Variants in SLC8A3 observed in about 807,000 individuals in gnomAD.
SLC8A3 encodes sodium/calcium exchanger 3.
SLC8A3 carries 37 observed loss-of-function variants against 65.4 expected under a neutral mutation model. That is an observed-to-expected ratio of 0.57 (90% CI 0.44 to 0.74). The LOEUF (loss-of-function observed/expected upper bound fraction) is 0.74, where lower values mean the gene tolerates loss of function less well. SLC8A3 is among the 30% of genes least tolerant of loss of function. The pLI is 0.00. For synonymous variants in SLC8A3, 461 were observed against 444.5 expected, an observed-to-expected ratio of 1.04 and a Z score of -0.47; for missense variants, 1,112 against 1,172.1, an observed-to-expected ratio of 0.95 and a Z score of 0.75.
chr14:70,046,527 C>G lies in SLC8A3; in HGVS notation c.2390-204G>C, dbSNP rs1195741819. On this transcript the variant is annotated intron_variant, in intron 6 of 6. Transcript: ENST00000356921. This position sits in a 1 kb window ranked among gnomAD's most constrained non-coding sequence, Gnocchi z 4.2. ...AGGTCACATCCCTAGTCTGGGCTTC[C>G]CATTCCTCATCTGCAGTGATCTGAA... 3 of 545,360 alleles carry G rather than the reference C, an allele frequency of 5.5e-6. No homozygotes were observed. The highest frequency in any genetic ancestry group is 6.5e-6 in the Non-Finnish European group (2 of 308,508). The allele number at this position is 545,360 out of a possible 1,614,324, so 33.8% of individuals were successfully genotyped here.
intron 3 of SLC8A3, among the ~76,000 whole-genome samples, chr14:70,053,221 C>T (rs1887699213): frequency 6.6e-6 from 1 of 152,150 alleles, no homozygotes; most frequent in Admixed American, 6.5e-5. Context: ...CTGGTGGCCA[C>T]TTTTGGAAAC....
intron 1 of SLC8A3, among the ~76,000 whole-genome samples, chr14:70,174,662 GTTTTT>G (rs10527244): frequency 6.0e-5 from 4 of 66,514 alleles, no homozygotes; most frequent in South Asian, 1.0e-3. Flanking sequence ...TTTTTTTTTT[GTTTTT>G]TTTTTTTTTT....
chr14:70,174,092 G>GT (rs2140404664), intron 1 of SLC8A3, among the ~76,000 whole-genome samples: 1 of 152,324 alleles, frequency 6.6e-6, no homozygotes, highest in Admixed American at 6.5e-5. Context: ...AAACAGAAAG[G>GT]TAAGCATTTG....
chr14:70,187,599 CTGTGTGTGTGTG>C (rs3053393), intron 1 of SLC8A3, among the ~76,000 whole-genome samples: 16 of 118,206 alleles, frequency 1.4e-4, no homozygotes, highest in Non-Finnish European at 2.3e-4. Flanking sequence ...AGGGCTTTGA[CTGTGTGTGTGTG>C]TGTGTGTGTG....
At chr14:70,100,991 G>A (rs1462093608) in intron 2 of SLC8A3, among the ~76,000 whole-genome samples, 3 of 152,194 alleles carry the variant, frequency 2.0e-5, no homozygotes, top group African/African-American at 7.2e-5. Context: ...AAGACTACAC[G>A]AATGTAAGGT....
In SLC8A3 at chr14:70,105,995, G is replaced by A. The variant is rs191695169; in HGVS notation, c.1785-45056C>T. Among the ~76,000 whole-genome samples the A allele has an allele frequency of 2.9e-3, 447 of 151,748 alleles. 1 individual carries two copies. The highest frequency in any genetic ancestry group is 4.8e-3 in the Non-Finnish European group (328 of 68,010). The stretch of plus-strand genomic sequence containing the variant: ...GAAGCTTTAGAAAGCAAAACGATAT[G>A]ATCATTTCAACAGATACATAAAGGA... On this transcript the variant is annotated intron_variant, in intron 2 of 6. Transcript: ENST00000356921.
chr14:70,088,778 C>A (rs1222366428), intron 2 of SLC8A3, among the ~76,000 whole-genome samples: 1 of 152,164 alleles, frequency 6.6e-6, no homozygotes, highest in Non-Finnish European at 1.5e-5. Flanking sequence ...CTCCTTTAAT[C>A]CCTATGTCAG....
chr14:70,089,584 A>C (rs1891678327), intron 2 of SLC8A3, among the ~76,000 whole-genome samples: 1 of 152,326 alleles, frequency 6.6e-6, no homozygotes, highest in East Asian at 1.9e-4. Context: ...CAAGTTGGGC[A>C]TGCTGACTTG....
chr14:70,063,056 A>G (rs1889000177), intron 2 of SLC8A3, among the ~76,000 whole-genome samples: 1 of 152,212 alleles, frequency 6.6e-6, no homozygotes, highest in Non-Finnish European at 1.5e-5. Flanking sequence ...CAAAGATTCC[A>G]TCCACTCTGA....
At chr14:70,099,235 A>G (rs1892397471) in intron 2 of SLC8A3, among the ~76,000 whole-genome samples, 1 of 152,226 alleles carries the variant, frequency 6.6e-6, no homozygotes, top group Non-Finnish European at 1.5e-5. Context: ...GGTCTGATTT[A>G]GCCCATGAGC....
At chr14:70,097,390 T>G (rs1003521187) in intron 2 of SLC8A3, among the ~76,000 whole-genome samples, 1 of 152,094 alleles carries the variant, frequency 6.6e-6, no homozygotes, top group Non-Finnish European at 1.5e-5. Context: ...AATGGTTCTG[T>G]GTACAGAATG....
intron 2 of SLC8A3, among the ~76,000 whole-genome samples, chr14:70,117,248 G>A (rs56659354): frequency 0.24 from 36,392 of 152,160 alleles, 5,031 homozygotes; most frequent in Admixed American, 0.33. Flanking sequence ...ATGCCCTCAT[G>A]GGGTGGAGTG....
intron 2 of SLC8A3, among the ~76,000 whole-genome samples, chr14:70,136,800 A>C (rs1034864830): frequency 6.6e-6 from 1 of 152,244 alleles, no homozygotes; most frequent in Non-Finnish European, 1.5e-5. Context: ...GGCATGGACC[A>C]TTAAAATGGA....
chr14:70,162,283 A>T (rs1163992663), intron 2 of SLC8A3, among the ~76,000 whole-genome samples: 1 of 152,202 alleles, frequency 6.6e-6, no homozygotes, highest in African/African-American at 2.4e-5. Context: ...CAGCTTCTAA[A>T]GTCCTTTCAA....
chr14:70,132,410 C>G (rs1337854235), intron 2 of SLC8A3, among the ~76,000 whole-genome samples: 1 of 152,184 alleles, frequency 6.6e-6, no homozygotes, highest in Non-Finnish European at 1.5e-5. Context: ...AGAGCCAATT[C>G]ATTTTACAGA....
chr14:70,081,269 C>T (rs1222553664), intron 2 of SLC8A3, among the ~76,000 whole-genome samples: 1 of 152,158 alleles, frequency 6.6e-6, no homozygotes, highest in East Asian at 1.9e-4. Context: ...GTAAAAGTGC[C>T]AATTCCTAAG....
intron 2 of SLC8A3, among the ~76,000 whole-genome samples, chr14:70,081,252 T>C (rs1891030417): frequency 6.6e-6 from 1 of 152,182 alleles, no homozygotes; most frequent in African/African-American, 2.4e-5. Context: ...AAACATCTGG[T>C]ATAATTGTAA....
chr14:70,082,861 T>C (rs769584737), intron 2 of SLC8A3, among the ~76,000 whole-genome samples: 1 of 152,196 alleles, frequency 6.6e-6, no homozygotes, highest in Admixed American at 6.5e-5. Flanking sequence ...GTAATTTCAA[T>C]ACTGATGGAA....
In SLC8A3 at chr14:70,166,978, A is replaced by G. The variant is rs766684388; in HGVS notation, c.1445T>C (p.Val482Ala). 6.2e-7 allele frequency: 1 copy of G among 1,614,086 alleles called. No homozygotes were observed. The highest frequency in any genetic ancestry group is 8.5e-7 in the Non-Finnish European group (1 of 1,179,994). Residue 482 changes from valine to alanine, a missense_variant, in exon 2 of 7, where the codon GTA (valine) becomes GCA (alanine). Physicochemically the swap from Val to Ala is moderately conservative, Grantham distance 64. Coordinates refer to ENST00000356921, the MANE Select transcript of SLC8A3 (RefSeq NM_182932.3). ...DIFEEDEHFF[V>A]RLSNVRIEEE... is the part of the protein sequence containing the mutation. ...CTCTATGCGGACATTGCTCAACCTTACAAAGAAGTGTTCATCCTCCTCAAA... is the reference window on the plus strand; with the variant it reads ...CTCTATGCGGACATTGCTCAACCTTGCAAAGAAGTGTTCATCCTCCTCAAA...
Sources: allele counts gnomAD v4.1 joint callset (sites outside exome capture counted in the v4.1 genomes callset), GRCh38; gene constraint gnomAD v4.1.1; non-coding constraint Gnocchi (gnomAD v3.1); transcripts MANE v1.5; gene names NCBI Gene and HGNC (gene_info 2026-07-23, HGNC 2026-07-21).